Variants in ARCN1 observed in about 807,000 individuals in gnomAD.
ARCN1 encodes the protein coatomer subunit delta.
A neutral mutation model predicts 60.4 loss-of-function variants in ARCN1; 5 were observed. The observed-to-expected ratio is 0.08, with a 90% CI of 0.04 to 0.17. The LOEUF (loss-of-function observed/expected upper bound fraction) is 0.17. ARCN1 is among the 10% of genes least tolerant of loss of function. ARCN1 has a pLI of 1.00. For synonymous variants in ARCN1, 224 were observed against 220.0 expected (o/e 1.02, Z -0.16); for missense variants, 464 against 626.5 (o/e 0.74, Z 2.77).
At chr11:118,576,589 G>A (rs1417809989) in intron 1 of ARCN1, among the ~76,000 whole-genome samples, 1 of 151,910 alleles carries the variant, frequency 6.6e-6, no homozygotes, top group Non-Finnish European at 1.5e-5. Context: ...AATGTAAAGA[G>A]GTTTATTATT....
chr11:118,582,463 G>A (rs1938679435), intron 2 of ARCN1, among the ~76,000 whole-genome samples: 1 of 151,418 alleles, frequency 6.6e-6, no homozygotes, highest in East Asian at 2.0e-4. Context: ...GGTGGCTCAC[G>A]CTTGTAATCC....
At chr11:118,589,250 A>C (rs1938843830) in intron 5 of ARCN1, among the ~76,000 whole-genome samples, 2 of 152,190 alleles carry the variant, frequency 1.3e-5, no homozygotes, top group Non-Finnish European at 2.9e-5. Context: ...ACACAAGTGC[A>C]AATTATAAAA....
intron 8 of ARCN1, among the ~76,000 whole-genome samples, 198 bp from the exon 9 acceptor site, chr11:118,597,509 A>C (rs1365506864): frequency 6.6e-6 from 1 of 152,224 alleles, no homozygotes; most frequent in Non-Finnish European, 1.5e-5. Flanking sequence ...ATATCTACAG[A>C]GGGAATTGAG....
chr11:118,590,616 T>A, intron 6 of ARCN1, 110 bp downstream of exon 6: 5 of 1,097,482 alleles, frequency 4.6e-6, no homozygotes, highest in Non-Finnish European at 6.6e-6. Flanking sequence ...GTTATATAAC[T>A]AGCATCACTC....
In ARCN1 at chr11:118,601,300, A is replaced by G. The variant is rs552886601; in HGVS notation, c.*586A>G. 1,081 of 391,714 alleles carry G rather than the reference A, an allele frequency of 2.8e-3. 11 individuals carry two copies. Among genetic ancestry groups the G allele is most frequent in the African/African-American group, 0.02 (940 of 46,828 alleles). 24.3% of individuals were successfully genotyped at this position (391,714 alleles called of 1,614,324 possible). ...TGGTCGCGAACTCCTGAGCTCAGGC[A>G]ATCCGCCCACCTCAGCCTCCCAAAG... On this transcript the variant is annotated 3_prime_UTR_variant, in exon 10 of 10. Coordinates refer to ENST00000264028, the MANE Select transcript of ARCN1 (RefSeq NM_001655.5).
intron 6 of ARCN1, among the ~76,000 whole-genome samples, chr11:118,590,890 T>C (rs11216916): frequency 0.17 from 25,235 of 152,198 alleles, 2,670 homozygotes; most frequent in East Asian, 0.53. Flanking sequence ...TGGTGGCTCA[T>C]GCCTATAATA....
intron 5 of ARCN1, among the ~76,000 whole-genome samples, chr11:118,587,649 A>G (rs1299706526): frequency 6.6e-6 from 1 of 152,180 alleles, no homozygotes; most frequent in Non-Finnish European, 1.5e-5. Context: ...ATTTTTCCGC[A>G]CACATCAAGC....
At chr11:118,590,788 G>T (rs1938890129) in intron 6 of ARCN1, among the ~76,000 whole-genome samples, 1 of 152,196 alleles carries the variant, frequency 6.6e-6, no homozygotes, top group African/African-American at 2.4e-5. Flanking sequence ...ACAAGGAGGT[G>T]TTTGTCTTTT....
chr11:118,588,803 A>C (rs1271132787), intron 5 of ARCN1, among the ~76,000 whole-genome samples: 1 of 152,180 alleles, frequency 6.6e-6, no homozygotes, highest in African/African-American at 2.4e-5. Flanking sequence ...AGATCACCTG[A>C]GGTCAGGAGT....
At chr11:118,576,439 A>AAC (rs1938510628) in intron 1 of ARCN1, among the ~76,000 whole-genome samples, 1 of 147,254 alleles carries the variant, frequency 6.8e-6, no homozygotes, top group Non-Finnish European at 1.5e-5. Flanking sequence ...AAAAAAAAAA[A>AAC]AAAAAAAAAA....
At chr11:118,591,762 T>G (rs568327323) in intron 6 of ARCN1, among the ~76,000 whole-genome samples, 1 of 149,834 alleles carries the variant, frequency 6.7e-6, no homozygotes, top group Non-Finnish European at 1.5e-5. Context: ...TTTTGCACAG[T>G]CTCTCTCTGT....
Position 118,601,654 on chromosome 11 carries a change from C to A in ARCN1, c.*940C>A, listed in dbSNP as rs1939151327. On this transcript the variant is annotated 3_prime_UTR_variant, in exon 10 of 10. Coordinates refer to ENST00000264028, the MANE Select transcript of ARCN1 (RefSeq NM_001655.5). The stretch of plus-strand genomic sequence containing the variant: ...TTAAAAGATACGCATGTCTTCTGTT[C>A]TTTTCCCGTATCAATTCATTCCTTC... 1.4e-6 allele frequency: 1 copy of A among 702,988 alleles called. No homozygotes were observed. Among genetic ancestry groups the A allele is most frequent in the Non-Finnish European group, 2.6e-6 (1 of 384,976 alleles). The allele number at this position is 702,988 out of a possible 1,614,324, so 43.5% of individuals were successfully genotyped here. A position where few individuals can be genotyped will look rare whatever the true frequency, so the allele number is the denominator to read the frequency against.
chr11:118,597,721 C>T lies in ARCN1; in HGVS notation c.1256C>T (p.Ala419Val), dbSNP rs370952253. ...ITIPLPSGVGAPVIGEIDGEY... is the reference protein window; with the variant it reads ...ITIPLPSGVGVPVIGEIDGEY... The stretch of plus-strand genomic sequence containing the variant: ...TCTCACAACAGGTCTGGTGTCGGCG[C>T]GCCTGTTATCGGTGAGATCGATGGG... Residue 419 changes from alanine to valine, a missense_variant, in exon 9 of 10, where the codon GCG becomes GTG. By Grantham distance (64) the Ala-to-Val change is moderately conservative. Around this residue, in one of 2 missense-constraint regions of ARCN1, gnomAD observed 359 missense variants for 440.2 expected, o/e 0.82. Transcript: ENST00000264028. The T allele has an allele frequency of 4.2e-5, 67 of 1,614,060 alleles. No individual in the cohort carries two copies. In the African/African-American group the frequency reaches 8.1e-4, roughly 20 times the overall value.
intron 1 of ARCN1, among the ~76,000 whole-genome samples, chr11:118,576,701 G>A (rs1278660967): frequency 6.6e-6 from 1 of 152,162 alleles, no homozygotes; most frequent in Admixed American, 6.5e-5. Context: ...GTAACAGAGA[G>A]ACCTGTGTCA....
At chr11:118,583,147 A>C (rs781816212) in intron 2 of ARCN1, 32 bp from the exon 3 acceptor site, 1 of 1,608,656 alleles carries the variant, frequency 6.2e-7, no homozygotes, top group Non-Finnish European at 8.5e-7. Flanking sequence ...ATAAATTCTA[A>C]ATCTTTCTTT....
chr11:118,576,426 T>TAAAAAAAA (rs10671866), intron 1 of ARCN1, among the ~76,000 whole-genome samples: 18 of 108,738 alleles, frequency 1.7e-4, no homozygotes, highest in Non-Finnish European at 2.6e-4. Flanking sequence ...CCAAAAATGT[T>TAAAAAAAA]AAAAAAAAAA....
chr11:118,573,595 T>C (rs1938409161), intron 1 of ARCN1: 1 of 688,490 alleles, frequency 1.5e-6, no homozygotes, highest in Admixed American at 2.1e-5. Flanking sequence ...TTCTGTTCTG[T>C]TCTTTTTTAT....
intron 2 of ARCN1, 84 bp downstream of exon 2, chr11:118,581,593 C>G (rs1321488533): frequency 2.1e-6 from 3 of 1,456,176 alleles, no homozygotes; most frequent in African/African-American, 2.8e-5. Context: ...GCAGCTGATG[C>G]TAACCAGTTT....
At chr11:118,574,052 A>G (rs994913165) in intron 1 of ARCN1, among the ~76,000 whole-genome samples, 1 of 152,190 alleles carries the variant, frequency 6.6e-6, no homozygotes, top group Non-Finnish European at 1.5e-5. Context: ...GGAACTTAGT[A>G]TTTTTAATTC....
Sources: allele counts gnomAD v4.1 joint callset (sites outside exome capture counted in the v4.1 genomes callset), GRCh38; gene constraint gnomAD v4.1.1; regional missense constraint gnomAD v4.1.1; transcripts MANE v1.5; gene names NCBI Gene and HGNC (gene_info 2026-07-23, HGNC 2026-07-21).